The following MYCBP2 variants were observed in gnomAD, a reference collection of about 807,000 sequenced individuals.
The protein encoded by MYCBP2 is MYC binding protein 2, also known as E3 ubiquitin-protein ligase MYCBP2.
Under a neutral mutation model 525.3 loss-of-function variants are expected in MYCBP2, and 120 were observed. The ratio of observed to expected loss-of-function variants is 0.23; its 90% confidence interval spans 0.20 to 0.27. MYCBP2 has a LOEUF of 0.27. Among genes scored for constraint, MYCBP2 ranks in the 10% least tolerant of loss-of-function variants. The pLI is 1.00. For missense variants in MYCBP2, 4,149 were observed against 5,657.1 expected, an observed-to-expected ratio of 0.73 and a Z score of 8.55; for synonymous variants, 1,894 against 1,955.8, an observed-to-expected ratio of 0.97 and a Z score of 0.83.
At chr13:77,122,002 T>A (rs530831941) in intron 54 of MYCBP2, among the ~76,000 whole-genome samples, 8 of 151,802 alleles carry the variant, frequency 5.3e-5, no homozygotes, top group African/African-American at 1.9e-4. Context: ...TTTTAACTTA[T>A]TTTATCACAT....
At chr13:77,250,073 A>C (rs564451899) in intron 15 of MYCBP2, among the ~76,000 whole-genome samples, 7 of 152,000 alleles carry the variant, frequency 4.6e-5, no homozygotes, top group Admixed American at 4.6e-4. Flanking sequence ...AATACAAAAA[A>C]TTAGCCGGGC....
intron 14 of MYCBP2, among the ~76,000 whole-genome samples, chr13:77,254,187 A>G (rs1022817423): frequency 6.6e-6 from 1 of 152,006 alleles, no homozygotes; most frequent in African/African-American, 2.4e-5. Context: ...AGTATATTTT[A>G]TGTGTAAAAC....
At chr13:77,313,092 T>A (rs564963545) in intron 1 of MYCBP2, among the ~76,000 whole-genome samples, 1 of 151,986 alleles carries the variant, frequency 6.6e-6, no homozygotes, top group African/African-American at 2.4e-5. Context: ...CAATAATATA[T>A]TAATATGTAA....
At chr13:77,091,429 CAAA>C (rs770244232) in intron 59 of MYCBP2, among the ~76,000 whole-genome samples, 2 of 129,068 alleles carry the variant, frequency 1.5e-5, no homozygotes, top group Non-Finnish European at 3.4e-5. Context: ...GACTTTTTAC[CAAA>C]AAAAAAAAAA....
chr13:77,282,035 A>G (rs1040045587), intron 3 of MYCBP2, among the ~76,000 whole-genome samples: 1 of 152,244 alleles, frequency 6.6e-6, no homozygotes, highest in African/African-American at 2.4e-5. Context: ...ATAATAAAAA[A>G]TTTAAAAATC....
At position 77,058,188 on chromosome 13, in the gene MYCBP2, T is replaced by A. The variant is rs770680083; in HGVS notation, c.13329+30A>T. ...TATATTCCCCATCTTAATGTCTGGA[T>A]ACATTCAATACTTTAAAAGCTGAGG... is the stretch of plus-strand genomic sequence containing the variant. On this transcript the variant is annotated intron_variant, in intron 78 of 82. Coordinates refer to ENST00000544440, the MANE Select transcript of MYCBP2 (RefSeq NM_015057.5). This position sits in a 1 kb window ranked among gnomAD's most constrained non-coding sequence, Gnocchi z 4.1. 3.7e-6 allele frequency: 6 copies of A among 1,604,036 alleles called. No homozygotes were observed. Among genetic ancestry groups the A allele is most frequent in the Non-Finnish European group, 4.3e-6 (5 of 1,173,410 alleles).
intron 55 of MYCBP2, among the ~76,000 whole-genome samples, chr13:77,105,635 T>A (rs1819860904): frequency 6.6e-6 from 1 of 152,098 alleles, no homozygotes; most frequent in South Asian, 2.1e-4. Flanking sequence ...AGTTGATAGA[T>A]GTTTTAAAAA....
chr13:77,169,832 A>C, intron 38 of MYCBP2, 118 bp from the exon 39 acceptor site: 1 of 816,042 alleles, frequency 1.2e-6, no homozygotes, highest in Non-Finnish European at 2.0e-6. Context: ...GTTGACACCA[A>C]TTGGGTGCTT....
At chr13:77,088,185 GA>G (rs1366779633) in intron 61 of MYCBP2, among the ~76,000 whole-genome samples, 5 of 151,936 alleles carry the variant, frequency 3.3e-5, no homozygotes, top group African/African-American at 1.2e-4. Context: ...TAATTTATAA[GA>G]TACAATACCA....
chr13:77,224,124 C>T (rs1490703262), intron 20 of MYCBP2, among the ~76,000 whole-genome samples: 1 of 152,148 alleles, frequency 6.6e-6, no homozygotes, highest in East Asian at 1.9e-4. Context: ...AAATACAATT[C>T]ACTATTTTTC....
At chr13:77,065,300 G>T (rs2040015026) in intron 72 of MYCBP2, among the ~76,000 whole-genome samples, 1 of 152,200 alleles carries the variant, frequency 6.6e-6, no homozygotes, top group African/African-American at 2.4e-5. Flanking sequence ...TATCCACGCT[G>T]TTGGGAAAAG....
At chr13:77,096,551 T>C (rs764347044) in intron 56 of MYCBP2, 70 bp from the exon 57 acceptor site, 6 of 1,492,298 alleles carry the variant, frequency 4.0e-6, no homozygotes, top group African/African-American at 1.4e-5. Context: ...TTATTACTCA[T>C]ACATTAATGA....
At chr13:77,267,981 A>T (rs369007025) in intron 7 of MYCBP2, 44 bp from the exon 8 acceptor site, 2 of 1,323,434 alleles carry the variant, frequency 1.5e-6, no homozygotes, top group African/African-American at 1.5e-5. Flanking sequence ...TTTATTACTA[A>T]TTCAGCAGAA....
rs961689673 is a variant in MYCBP2, at chr13:77,184,965, A to G, written c.4719+138T>C. 3 of 848,218 alleles carry G rather than the reference A, an allele frequency of 3.5e-6. No homozygotes were observed. The African/African-American group carries it at 5.2e-5, about 15-fold the overall frequency. The allele number at this position is 848,218 out of a possible 1,614,324, so 52.5% of individuals were successfully genotyped here. A position where few individuals can be genotyped will look rare whatever the true frequency, so the allele number is the denominator to read the frequency against. On this transcript the variant is annotated intron_variant, in intron 32 of 82. Coordinates refer to ENST00000544440, the MANE Select transcript of MYCBP2 (RefSeq NM_015057.5). ...TTAAAAAATTTTAAACTTTGCTTAT[A>G]TAAGTCATGTACACCGAATGATTTC...
rs148827324 is a variant in MYCBP2 at position 77,060,800 on chromosome 13, T to C, written c.13036+369A>G. 1.7e-3 allele frequency among the ~76,000 whole-genome samples: 255 copies of C among 152,308 alleles called. 1 individual carries two copies. The highest frequency in any genetic ancestry group is 5.6e-3 in the African/African-American group (232 of 41,584). ...AATAGAGATCTTAGTGATCATCTAGTGCAGCAATTTTTATTGTGGGGCAAC... is the reference window on the plus strand; with the variant it reads ...AATAGAGATCTTAGTGATCATCTAGCGCAGCAATTTTTATTGTGGGGCAAC... On this transcript the variant is annotated intron_variant, in intron 76 of 82. Transcript: ENST00000544440.
At chr13:77,203,536 A>C (rs536468535) in intron 26 of MYCBP2, among the ~76,000 whole-genome samples, 1 of 152,098 alleles carries the variant, frequency 6.6e-6, no homozygotes, top group Non-Finnish European at 1.5e-5. Context: ...ACAGAATTGG[A>C]AAAAACTACT....
At chr13:77,268,112 C>T (rs2074355503) in intron 7 of MYCBP2, among the ~76,000 whole-genome samples, 175 bp from the exon 8 acceptor site, 3 of 152,052 alleles carry the variant, frequency 2.0e-5, no homozygotes, top group Admixed American at 2.0e-4. Flanking sequence ...GAGGAAAAGT[C>T]ATACATTATT....
intron 55 of MYCBP2, among the ~76,000 whole-genome samples, chr13:77,103,755 G>A (rs940408199): frequency 1.8e-4 from 28 of 151,776 alleles, no homozygotes; most frequent in Admixed American, 1.3e-3. Context: ...TGAATGAACC[G>A]ATTACTATAA....
chr13:77,165,148 A>C, intron 42 of MYCBP2, 125 bp downstream of exon 42: 1 of 745,822 alleles, frequency 1.3e-6, no homozygotes. Flanking sequence ...GGTGTGAGCC[A>C]CTGCACCAGG....
Sources: gnomAD v4.1 joint callset for allele counts (sites outside exome capture counted in the v4.1 genomes callset) on GRCh38, gnomAD v4.1.1 for gene constraint, Gnocchi (gnomAD v3.1) non-coding constraint, MANE v1.5 for transcripts, NCBI Gene and HGNC (gene_info 2026-07-23, HGNC 2026-07-21) for gene names.